The following SRPK2 variants were observed in gnomAD, a reference collection of about 807,000 sequenced individuals.
SRPK2 encodes the protein SFRS protein kinase 2.
A neutral mutation model predicts 90.8 loss-of-function variants in SRPK2; 21 were observed. The ratio of observed to expected loss-of-function variants is 0.23; its 90% CI spans 0.16 to 0.33. SRPK2 has a LOEUF of 0.33. Ranked by LOEUF, SRPK2 falls within the 10% of genes least tolerant of loss-of-function variation. The pLI is 1.00. For missense variants in SRPK2, 620 were observed against 869.0 expected (o/e 0.71, Z 3.60); for synonymous variants, 288 against 311.1 (o/e 0.93, Z 0.78).
intron 3 of SRPK2, among the ~76,000 whole-genome samples, chr7:105,170,908 AAAGAAAGG>A (rs1240450851): frequency 8.9e-5 from 11 of 123,192 alleles, no homozygotes; most frequent in African/African-American, 3.5e-4. Flanking sequence ...AGAAAGAAAG[AAAGAAAGG>A]AGAAAGAAAA....
intron 3 of SRPK2, among the ~76,000 whole-genome samples, chr7:105,175,992 C>T (rs1351524467): frequency 6.6e-6 from 1 of 152,084 alleles, no homozygotes; most frequent in African/African-American, 2.4e-5. Context: ...ATGAAGCCAG[C>T]ATTTTTTATT....
intron 2 of SRPK2, among the ~76,000 whole-genome samples, chr7:105,365,879 C>T (rs928180646): frequency 2.0e-4 from 30 of 150,298 alleles, no homozygotes; most frequent in Non-Finnish European, 3.7e-4. Flanking sequence ...TTTTTTTAGA[C>T]GGAGTCTCGC....
intron 2 of SRPK2, among the ~76,000 whole-genome samples, chr7:105,380,532 T>C (rs2132643331): frequency 6.7e-6 from 1 of 150,224 alleles, no homozygotes; most frequent in Middle Eastern, 3.4e-3. Flanking sequence ...TTTTTTTTTT[T>C]TTTTTTTTTG....
At chr7:105,226,857 G>A (rs1383776548) in intron 2 of SRPK2, among the ~76,000 whole-genome samples, 2 of 151,958 alleles carry the variant, frequency 1.3e-5, no homozygotes, top group Non-Finnish European at 2.9e-5. Context: ...AATTAGCCAG[G>A]CTTGAACCTC....
chr7:105,302,278 C>T (rs1410776891), intron 2 of SRPK2, among the ~76,000 whole-genome samples: 1 of 152,134 alleles, frequency 6.6e-6, no homozygotes, highest in Non-Finnish European at 1.5e-5. Flanking sequence ...CACAAACTTG[C>T]CTTAATAAAA....
intron 2 of SRPK2, among the ~76,000 whole-genome samples, chr7:105,287,971 C>T (rs1474035693): frequency 1.3e-5 from 2 of 152,128 alleles, no homozygotes; most frequent in South Asian, 2.1e-4. Context: ...TACACAAAAA[C>T]ACTGCCATCA....
At chr7:105,380,111 A>G (rs182412997) in intron 2 of SRPK2, among the ~76,000 whole-genome samples, 36 of 152,312 alleles carry the variant, frequency 2.4e-4, no homozygotes, top group Admixed American at 1.9e-3. Context: ...TCCTATCTCT[A>G]AAAAAGAAAA....
chr7:105,173,740 A>G (rs903707083), intron 3 of SRPK2, among the ~76,000 whole-genome samples: 1 of 152,188 alleles, frequency 6.6e-6, no homozygotes, highest in African/African-American at 2.4e-5. Flanking sequence ...GAGAACAGAA[A>G]AGGAGTATGG....
downstream of SRPK2, chr7:105,115,370 G>C (rs1278672679): frequency 6.6e-6 from 1 of 152,208 alleles, no homozygotes; most frequent in Non-Finnish European, 1.5e-5. Flanking sequence ...TTATGACTCG[G>C]AAGATCTTAT....
chr7:105,150,337 G>A (rs1562992027), intron 7 of SRPK2, among the ~76,000 whole-genome samples: 3 of 152,176 alleles, frequency 2.0e-5, no homozygotes. Flanking sequence ...TGGCCAACAT[G>A]GCGAAACCCT....
intron 2 of SRPK2, among the ~76,000 whole-genome samples, chr7:105,363,052 G>C (rs537124162): frequency 6.6e-6 from 1 of 152,168 alleles, no homozygotes; most frequent in African/African-American, 2.4e-5. Context: ...TGGGGGGAGA[G>C]GGGAGGGATA....
chr7:105,242,204 G>A (rs1364876970), intron 2 of SRPK2, among the ~76,000 whole-genome samples: 3 of 152,082 alleles, frequency 2.0e-5, no homozygotes, highest in Non-Finnish European at 4.4e-5. Flanking sequence ...TCCTTTGCCT[G>A]CTTGTGAGAA....
At chr7:105,364,044 G>C (rs1428950225) in intron 2 of SRPK2, among the ~76,000 whole-genome samples, 2 of 151,476 alleles carry the variant, frequency 1.3e-5, no homozygotes, top group Non-Finnish European at 2.9e-5. Context: ...TGGGGTGGGG[G>C]GCTGGGAGAG....
chr7:105,223,338 T>C (rs1798332725), intron 2 of SRPK2, among the ~76,000 whole-genome samples: 1 of 152,238 alleles, frequency 6.6e-6, no homozygotes, highest in African/African-American at 2.4e-5. Flanking sequence ...TCACAGAATC[T>C]GTTTCCACAT....
intron 2 of SRPK2, among the ~76,000 whole-genome samples, chr7:105,241,985 C>T (rs941083399): frequency 1.3e-5 from 2 of 152,026 alleles, no homozygotes; most frequent in Non-Finnish European, 2.9e-5. Flanking sequence ...GATAATCTTA[C>T]TCCAACAAGC....
intron 2 of SRPK2, chr7:105,206,099 C>A: frequency 2.1e-6 from 1 of 473,950 alleles, no homozygotes; most frequent in Non-Finnish European, 4.2e-6. Flanking sequence ...GGATGCTTTT[C>A]ACCATCGCTG....
chr7:105,376,318 C>T (rs1025133350), intron 2 of SRPK2, among the ~76,000 whole-genome samples: 1 of 151,578 alleles, frequency 6.6e-6, no homozygotes, highest in Non-Finnish European at 1.5e-5. Flanking sequence ...TCTTAAAACA[C>T]ACACACACAC....
intron 1 of SRPK2, among the ~76,000 whole-genome samples, chr7:105,395,347 TA>T (rs969208254): frequency 8.3e-5 from 12 of 145,444 alleles, no homozygotes; most frequent in African/African-American, 1.8e-4. Flanking sequence ...AAAATAAATT[TA>T]AAAAAAAAAC....
chr7:105,212,168 T>G (rs1443883075), intron 2 of SRPK2, among the ~76,000 whole-genome samples: 1 of 152,226 alleles, frequency 6.6e-6, no homozygotes. Context: ...AAAACACTTG[T>G]GGGATCTGAC....
Sources: allele counts gnomAD v4.1 joint callset (sites outside exome capture counted in the v4.1 genomes callset), GRCh38; gene constraint gnomAD v4.1.1; transcripts MANE v1.5; gene names NCBI Gene and HGNC (gene_info 2026-07-23, HGNC 2026-07-21).